NCAPD3: variants seen among roughly 807,000 people sequenced by gnomAD.
NCAPD3 encodes condensin-2 complex subunit D3.
In NCAPD3, 105 loss-of-function variants were observed where a neutral mutation model predicts 182.9. The ratio of observed to expected loss-of-function variants is 0.57; its 90% CI spans 0.49 to 0.68. The LOEUF is 0.68. NCAPD3 is among the 30% of genes least tolerant of loss of function. The pLI is 0.00. For synonymous variants in NCAPD3, 815 were observed against 679.9 expected, an observed-to-expected ratio of 1.20 and a Z score of -3.09; for missense variants, 1,944 against 1,837.0, an observed-to-expected ratio of 1.06 and a Z score of -1.07.
At chr11:134,176,950 A>T (rs962574502) in intron 23 of NCAPD3, among the ~76,000 whole-genome samples, 6 of 152,254 alleles carry the variant, frequency 3.9e-5, no homozygotes. Context: ...TCTACTGAAT[A>T]TGCTTTTCTC....
intron 24 of NCAPD3, among the ~76,000 whole-genome samples, chr11:134,172,535 T>C (rs1216039507): frequency 6.6e-6 from 1 of 152,158 alleles, no homozygotes; most frequent in Non-Finnish European, 1.5e-5. Flanking sequence ...ATCTCAATGG[T>C]CCATTATTTG....
intron 26 of NCAPD3, 75 bp downstream of exon 26, chr11:134,168,394 G>A (rs1244673600): frequency 5.7e-6 from 9 of 1,590,170 alleles, no homozygotes; most frequent in Non-Finnish European, 7.7e-6. Context: ...CCTTACTAGA[G>A]GCCTGCTGGG....
Position 134,204,202 on chromosome 11 carries a change from A to C in NCAPD3, c.1090-31T>G. ...AAGCAAAAAGAGAAGTTGACCAACC[A>C]ATATCCACCCGCAGGATGGCTGAAA... On this transcript the variant is annotated intron_variant, in intron 9 of 34. Coordinates refer to ENST00000534548, the MANE Select transcript of NCAPD3 (RefSeq NM_015261.3). The surrounding 1 kb of genome is among the most constrained non-coding windows in gnomAD (Gnocchi z 4.3). The C allele has an allele frequency of 6.2e-7, 1 of 1,609,070 alleles. No homozygotes were observed. The highest frequency in any genetic ancestry group is 8.5e-7 in the Non-Finnish European group (1 of 1,177,130).
chr11:134,222,693 G>C (rs746230297), intron 1 of NCAPD3, among the ~76,000 whole-genome samples: 1 of 152,232 alleles, frequency 6.6e-6, no homozygotes, highest in Non-Finnish European at 1.5e-5. Context: ...GGAGGAGGGA[G>C]AGGAATAAGA....
chr11:134,216,302 T>C (rs1448643167), intron 3 of NCAPD3, among the ~76,000 whole-genome samples: 1 of 152,228 alleles, frequency 6.6e-6, no homozygotes, highest in Non-Finnish European at 1.5e-5. Context: ...AGGTGACTGA[T>C]CTTGCCATTC....
intron 4 of NCAPD3, chr11:134,209,761 A>C (rs987068761): frequency 4.4e-5 from 15 of 341,564 alleles, no homozygotes; most frequent in African/African-American, 3.0e-4. Context: ...ACCGTGTCAC[A>C]TAAGAATATG....
chr11:134,198,873 C>A (rs1944689981), intron 13 of NCAPD3, among the ~76,000 whole-genome samples: 1 of 152,100 alleles, frequency 6.6e-6, no homozygotes, highest in Admixed American at 6.5e-5. Context: ...AATAAAAACA[C>A]TCAGGACAAA....
intron 32 of NCAPD3, among the ~76,000 whole-genome samples, chr11:134,156,478 G>T (rs940901022): frequency 6.6e-6 from 1 of 152,176 alleles, no homozygotes; most frequent in Non-Finnish European, 1.5e-5. Flanking sequence ...AATAGGAAAA[G>T]AATACTCAAC....
chr11:134,183,623 AG>A (rs1271928463), intron 19 of NCAPD3, among the ~76,000 whole-genome samples: 3 of 152,354 alleles, frequency 2.0e-5, no homozygotes, highest in African/African-American at 7.2e-5. Context: ...ATAAAGGGTT[AG>A]AAAAATCAAA....
Position 134,204,948 on chromosome 11 carries a change from T to C in NCAPD3, c.1040A>G (p.Glu347Gly). Residue 347 changes from glutamate (E) to glycine (G), a missense_variant, in exon 9 of 35, where the codon GAG becomes GGG. Coordinates refer to ENST00000534548, the MANE Select transcript of NCAPD3 (RefSeq NM_015261.3). This position sits in a 1 kb window ranked among gnomAD's most constrained non-coding sequence, Gnocchi z 4.3. ...FISALVDELK[E>G]SIFPVVRILL... ...GATACGGACGACTGGGAATATACTC[T>C]CCTTTAATTCATCCACAAGGGCGCT... 6.2e-7 allele frequency: 1 copy of C among 1,613,814 alleles called. No homozygotes were observed. Among genetic ancestry groups the C allele is most frequent in the Non-Finnish European group, 8.5e-7 (1 of 1,179,762 alleles).
At chr11:134,156,730 C>G (rs561510007) in intron 32 of NCAPD3, 5 of 270,304 alleles carry the variant, frequency 1.8e-5, no homozygotes, top group African/African-American at 8.8e-5. Context: ...GAAGGCACCA[C>G]TGGGTCAGTC....
At chr11:134,181,975 G>A (rs998497994) in intron 19 of NCAPD3, among the ~76,000 whole-genome samples, 1 of 152,178 alleles carries the variant, frequency 6.6e-6, no homozygotes, top group South Asian at 2.1e-4. Flanking sequence ...CCACCACTAT[G>A]AGCAATGCTT....
At chr11:134,222,449 T>C (rs1938266956) in intron 1 of NCAPD3, among the ~76,000 whole-genome samples, 1 of 152,140 alleles carries the variant, frequency 6.6e-6, no homozygotes, top group Non-Finnish European at 1.5e-5. Context: ...GAATTTTGAG[T>C]CAGAACGAGG....
intron 24 of NCAPD3, among the ~76,000 whole-genome samples, chr11:134,172,209 G>A (rs1055557034): frequency 3.3e-5 from 5 of 152,132 alleles, no homozygotes; most frequent in African/African-American, 9.7e-5. Context: ...TCCCAGTTTT[G>A]CTCTCCATTC....
intron 24 of NCAPD3, among the ~76,000 whole-genome samples, chr11:134,173,940 G>A (rs1478523786): frequency 1.3e-5 from 2 of 148,328 alleles, no homozygotes; most frequent in African/African-American, 5.0e-5. Context: ...CAGCCTGGGC[G>A]ACAGAACAAG....
At chr11:134,172,096 A>G (rs1304330493) in intron 24 of NCAPD3, among the ~76,000 whole-genome samples, 3 of 152,138 alleles carry the variant, frequency 2.0e-5, no homozygotes, top group Non-Finnish European at 4.4e-5. Flanking sequence ...AAGTGGGTCC[A>G]GTGAAGTGCG....
Position 134,153,308 on chromosome 11 carries a change from C to T in NCAPD3, c.4308G>A (p.Arg1436=), listed in dbSNP as rs765483424. 1 of 1,614,198 alleles carries T rather than the reference C, an allele frequency of 6.2e-7. No individual in the cohort carries two copies. The highest frequency in any genetic ancestry group is 2.2e-5 in the East Asian group (1 of 44,880). ...GAGVSYIGTP[R]TPSSAKEKIE... ...ACTTGCCTTTGGCTGACGACGGAGTCCGTGGTGTCCCGATGTAACTGACCC... is the reference window on the plus strand; with the variant it reads ...ACTTGCCTTTGGCTGACGACGGAGTTCGTGGTGTCCCGATGTAACTGACCC... Residue 1436 remains arginine, a synonymous_variant, in exon 33 of 35, where the codon CGG becomes CGA. Coordinates refer to ENST00000534548, the MANE Select transcript of NCAPD3 (RefSeq NM_015261.3).
intron 14 of NCAPD3, 99 bp from the exon 15 acceptor site, chr11:134,194,249 T>G: frequency 7.5e-7 from 1 of 1,329,212 alleles, no homozygotes; most frequent in Non-Finnish European, 1.0e-6. Flanking sequence ...TTTGTGGTTC[T>G]TAACATTTTG....
chr11:134,160,183 G>GTGTA, intron 28 of NCAPD3, 109 bp from the exon 29 acceptor site: 10 of 1,089,658 alleles, frequency 9.2e-6, no homozygotes, highest in African/African-American at 1.6e-5. Flanking sequence ...CATCCTGCAC[G>GTGTA]TGTACCCCTG....
Sources: allele counts gnomAD v4.1 joint callset (sites outside exome capture counted in the v4.1 genomes callset), GRCh38; gene constraint gnomAD v4.1.1; non-coding constraint Gnocchi (gnomAD v3.1); transcripts MANE v1.5; gene names NCBI Gene and HGNC (gene_info 2026-07-23, HGNC 2026-07-21).